The following MAP3K9 variants were observed in gnomAD, a reference collection of about 807,000 sequenced individuals.
The protein encoded by MAP3K9 is mixed lineage kinase 1 (tyr and ser/thr specificity).
A neutral mutation model predicts 95.8 loss-of-function variants in MAP3K9; 46 were observed. The ratio of observed to expected loss-of-function variants is 0.48; its 90% CI spans 0.38 to 0.61. MAP3K9 has a LOEUF of 0.61. MAP3K9 is among the 20% of genes least tolerant of loss of function. MAP3K9 has a pLI of 0.00. For missense variants in MAP3K9, 1,296 were observed against 1,474.3 expected, an observed-to-expected ratio of 0.88 and a Z score of 1.98; for synonymous variants, 533 against 593.8, an observed-to-expected ratio of 0.90 and a Z score of 1.49.
At chr14:70,790,803 T>C (rs1482532929) in intron 2 of MAP3K9, among the ~76,000 whole-genome samples, 1 of 152,206 alleles carries the variant, frequency 6.6e-6, no homozygotes, top group Non-Finnish European at 1.5e-5. Context: ...GGATAGAAGC[T>C]ACATTTTTCT....
chr14:70,788,633 G>T (rs1277477927), intron 2 of MAP3K9, among the ~76,000 whole-genome samples: 1 of 152,214 alleles, frequency 6.6e-6, no homozygotes, highest in Non-Finnish European at 1.5e-5. Flanking sequence ...CTCTAAAGGA[G>T]AAGAGGTGTG....
chr14:70,794,316 T>C (rs1421204867), intron 2 of MAP3K9, among the ~76,000 whole-genome samples: 1 of 152,238 alleles, frequency 6.6e-6, no homozygotes, highest in East Asian at 1.9e-4. Flanking sequence ...AAGTTAAGAA[T>C]GAGTTGGTTG....
intron 6 of MAP3K9, among the ~76,000 whole-genome samples, chr14:70,740,782 C>T (rs187756850): frequency 6.6e-6 from 1 of 152,234 alleles, no homozygotes; most frequent in Admixed American, 6.5e-5. Context: ...AAATAAACAG[C>T]TGCTGCTTGC....
intron 2 of MAP3K9, chr14:70,783,560 CG>C (rs1320750051): frequency 9.7e-6 from 2 of 205,458 alleles, no homozygotes; most frequent in Non-Finnish European, 1.7e-5. Context: ...AGGAAATAGC[CG>C]GGAGGCTTCA....
At position 70,809,398 on chromosome 14, in the gene MAP3K9, C is replaced by T; in HGVS notation, c.-227G>A. On this transcript the variant is annotated 5_prime_UTR_variant, in exon 1 of 12. Coordinates refer to ENST00000554752, the MANE Select transcript of MAP3K9 (RefSeq NM_001284230.2). ...CGCGCAGCCTAGGGGCGCAGCGGGC[C>T]GAGTCCCCGCCTGCCCGCTCGCCCC... 2 of 439,422 alleles carry T rather than the reference C, an allele frequency of 4.6e-6. No homozygotes were observed. Among genetic ancestry groups the T allele is most frequent in the Non-Finnish European group, 3.7e-6 (1 of 271,928 alleles). 27.2% of individuals were successfully genotyped at this position (439,422 alleles called of 1,614,324 possible). A position where few individuals can be genotyped will look rare whatever the true frequency, so the allele number is the denominator to read the frequency against.
In MAP3K9 at chr14:70,727,949, G is replaced by A. The variant is rs1314991448; in HGVS notation, c.*2431C>T. On this transcript the variant is annotated 3_prime_UTR_variant, in exon 12 of 12. Transcript: ENST00000554752. ...TACCACAATGGCAAAAGTTAAAAAT[G>A]AGCAAAGGAAAAATCTCTGCTTCAT... 2 of 152,088 alleles carry A rather than the reference G, an allele frequency of 1.3e-5. No individual in the cohort carries two copies. The highest frequency in any genetic ancestry group is 2.9e-5 in the Non-Finnish European group (2 of 68,040). 9.4% of individuals were successfully genotyped at this position (152,088 alleles called of 1,614,324 possible). A position where few individuals can be genotyped will look rare whatever the true frequency, so the allele number is the denominator to read the frequency against.
At chr14:70,735,250 G>A (rs1372191134) in intron 9 of MAP3K9, among the ~76,000 whole-genome samples, 1 of 152,152 alleles carries the variant, frequency 6.6e-6, no homozygotes, top group Non-Finnish European at 1.5e-5. Context: ...TGTAGGAGGG[G>A]GGAACCAGAG....
At position 70,781,739 on chromosome 14, in the gene MAP3K9, G is replaced by A. The variant is rs568718553; in HGVS notation, c.820+18928C>T. ...CTAGAATTATCCCCATTTTACAGAG[G>A]AGGAAATGGGCTCAGGGTCGAGGAC... On this transcript the variant is annotated intron_variant, in intron 2 of 11. Transcript: ENST00000554752. Among the ~76,000 whole-genome samples, 18 of 152,282 alleles carry A rather than the reference G, an allele frequency of 1.2e-4. No homozygotes were observed. The South Asian group carries it at 1.7e-3, about 14-fold the overall frequency.
intron 2 of MAP3K9, among the ~76,000 whole-genome samples, chr14:70,798,411 A>G (rs1402136119): frequency 4.0e-5 from 2 of 50,368 alleles, no homozygotes; most frequent in East Asian, 1.0e-3. Context: ...TCTCCATCAC[A>G]TTTTCCAGCA....
chr14:70,734,340 A>G (rs774929631), intron 10 of MAP3K9, 46 bp downstream of exon 10: 2 of 1,364,080 alleles, frequency 1.5e-6, no homozygotes, highest in South Asian at 1.2e-5. Context: ...GAATGCCCCC[A>G]GGGAGCAGGG....
intron 4 of MAP3K9, 192 bp downstream of exon 4, chr14:70,749,741 A>G: frequency 3.4e-6 from 2 of 596,754 alleles, no homozygotes; most frequent in Admixed American, 3.0e-5. Context: ...GTCCCTGGAG[A>G]TATGACTGCT....
intron 2 of MAP3K9, among the ~76,000 whole-genome samples, chr14:70,773,776 C>T (rs1030291609): frequency 6.6e-6 from 1 of 152,136 alleles, no homozygotes; most frequent in Non-Finnish European, 1.5e-5. Context: ...GAGCTGTGAA[C>T]GAGAAGGAGG....
chr14:70,808,660 C>CA, intron 1 of MAP3K9, 106 bp downstream of exon 1: 1 of 138,106 alleles, frequency 7.2e-6, no homozygotes, highest in Non-Finnish European at 1.5e-5. Context: ...TCGTCCTCCC[C>CA]ACCCCCCGCC....
intron 6 of MAP3K9, among the ~76,000 whole-genome samples, 158 bp from the exon 7 acceptor site, chr14:70,740,322 T>C (rs548795522): frequency 6.6e-6 from 1 of 152,278 alleles, no homozygotes; most frequent in South Asian, 2.1e-4. Context: ...GAATCATCTC[T>C]TTTTCCCAAG....
At chr14:70,799,398 G>A (rs1240951054) in intron 2 of MAP3K9, among the ~76,000 whole-genome samples, 1 of 152,174 alleles carries the variant, frequency 6.6e-6, no homozygotes, top group Non-Finnish European at 1.5e-5. Context: ...GGAGTGCAGA[G>A]GCACAATCTC....
chr14:70,776,793 T>G (rs1024104370), intron 2 of MAP3K9, among the ~76,000 whole-genome samples: 1 of 151,402 alleles, frequency 6.6e-6, no homozygotes, highest in African/African-American at 2.4e-5. Context: ...GACACTAGGC[T>G]ATAAAAACTA....
At chr14:70,753,637 G>T (rs55980641) in intron 3 of MAP3K9, among the ~76,000 whole-genome samples, 69 of 152,228 alleles carry the variant, frequency 4.5e-4, no homozygotes, top group Non-Finnish European at 6.5e-4. Flanking sequence ...GGAAGAACTC[G>T]TTCAGCTAAG....
chr14:70,793,179 T>C (rs114719021), intron 2 of MAP3K9, among the ~76,000 whole-genome samples: 1,754 of 152,262 alleles, frequency 0.012, 43 homozygotes, highest in African/African-American at 0.04. Context: ...CAGCAGCTCC[T>C]AGCAGCCGGC....
At chr14:70,798,921 A>C (rs1294777135) in intron 2 of MAP3K9, among the ~76,000 whole-genome samples, 1 of 152,210 alleles carries the variant, frequency 6.6e-6, no homozygotes, top group South Asian at 2.1e-4. Flanking sequence ...CACATGCATC[A>C]TATCTAAAAT....
Sources: gnomAD v4.1 joint callset for allele counts (sites outside exome capture counted in the v4.1 genomes callset) on GRCh38, gnomAD v4.1.1 for gene constraint, MANE v1.5 for transcripts, NCBI Gene and HGNC (gene_info 2026-07-23, HGNC 2026-07-21) for gene names.